The following CASTOR2 variants were observed in gnomAD, a reference collection of about 807,000 sequenced individuals.
CASTOR2 encodes the protein GATS protein like 2.
In CASTOR2, 8 loss-of-function variants were observed where a neutral mutation model predicts 31.2. That is an observed-to-expected ratio of 0.26 (90% CI 0.15 to 0.46). CASTOR2 has a LOEUF of 0.46. CASTOR2 is among the 20% of genes least tolerant of loss of function. The pLI is 0.99. For missense variants in CASTOR2, 216 were observed against 382.1 expected, an observed-to-expected ratio of 0.57 and a Z score of 3.62; for synonymous variants, 162 against 158.7, an observed-to-expected ratio of 1.02 and a Z score of -0.16.
rs1363851687 is a variant in CASTOR2 at position 75,003,217 on chromosome 7, C to A, written c.114-4777C>A. On this transcript the variant is annotated intron_variant, in intron 1 of 8. Coordinates refer to ENST00000616305, the MANE Select transcript of CASTOR2 (RefSeq NM_001145064.3). ...ATCCGAGCACTTTGGGAGGCCAAGG[C>A]AGAAGGATCACTTGAGCTCAGGAGT... Among the ~76,000 whole-genome samples, 47 of 152,222 alleles carry A rather than the reference C, an allele frequency of 3.1e-4. No individual in the cohort carries two copies. The South Asian group carries it at 6.6e-3, about 21-fold the overall frequency.
intron 1 of CASTOR2, among the ~76,000 whole-genome samples, chr7:75,003,602 T>C (rs1296901399): frequency 6.6e-6 from 1 of 150,868 alleles, no homozygotes; most frequent in Non-Finnish European, 1.5e-5. Context: ...TACAAAAAAT[T>C]AGTTGGGCGT....
At chr7:74,981,501 C>T (rs1803944959) in intron 1 of CASTOR2, among the ~76,000 whole-genome samples, 1 of 146,410 alleles carries the variant, frequency 6.8e-6, no homozygotes, top group Non-Finnish European at 1.5e-5. Context: ...TATTCTAGCT[C>T]CCCGACTCCT....
intron 2 of CASTOR2, among the ~76,000 whole-genome samples, chr7:75,008,959 T>C (rs1316677164): frequency 2.0e-5 from 3 of 152,038 alleles, no homozygotes; most frequent in African/African-American, 4.8e-5. Context: ...AGAACCTGTT[T>C]TTTGTTTTTT....
In CASTOR2 at chr7:75,008,035, C is replaced by A. The variant is rs1804643564; in HGVS notation, c.155C>A (p.Thr52Asn). 1 of 1,613,812 alleles carries A rather than the reference C, an allele frequency of 6.2e-7. No individual in the cohort carries two copies. The highest frequency in any genetic ancestry group is 8.5e-7 in the Non-Finnish European group (1 of 1,179,864). Reference protein sequence around the residue: ...FSLTETPEDYTIIVDEEGFLE... With the variant: ...FSLTETPEDYNIIVDEEGFLE... ...CTGACTGAGACGCCAGAGGATTACA[C>A]TATCATTGTCGATGAGGAAGGATTC... The change falls in exon 2 of 9, where the codon ACT becomes AAT. Residue 52 changes from threonine to asparagine, a missense_variant. By Grantham distance (65) the Thr-to-Asn change is moderately conservative (BLOSUM62 0). This residue lies in a region of CASTOR2 where 114 missense variants were observed against 194.2 expected (regional missense o/e 0.59). Transcript: ENST00000616305.
intron 1 of CASTOR2, among the ~76,000 whole-genome samples, chr7:74,985,585 CAAAAA>C (rs782053038): frequency 1.5e-5 from 1 of 67,548 alleles, no homozygotes; most frequent in East Asian, 4.8e-4. Flanking sequence ...CAGCCTGGCT[CAAAAA>C]AAAAAAAAAA....
intron 1 of CASTOR2, among the ~76,000 whole-genome samples, chr7:74,986,366 C>T (rs1159235956): frequency 1.3e-5 from 2 of 151,852 alleles, no homozygotes; most frequent in Non-Finnish European, 2.9e-5. Flanking sequence ...TGACGGGTGC[C>T]TGTAATCCCA....
chr7:75,027,331 T>C lies in CASTOR2; in HGVS notation c.*2632T>C, dbSNP rs1381153558. 1 of 152,714 alleles carries C rather than the reference T, an allele frequency of 6.5e-6. No individual in the cohort carries two copies. The highest frequency in any genetic ancestry group is 1.5e-5 in the Non-Finnish European group (1 of 68,160). The allele number at this position is 152,714 out of a possible 1,614,324, so 9.5% of individuals were successfully genotyped here. On this transcript the variant is annotated 3_prime_UTR_variant, in exon 9 of 9. Transcript: ENST00000616305. The stretch of plus-strand genomic sequence containing the variant: ...CAGGCAAGATCCCTGGGCGCCCTTA[T>C]TTGGGGGGATGTTGATCCCGAGGGA...
intron 6 of CASTOR2, among the ~76,000 whole-genome samples, 157 bp downstream of exon 6, chr7:75,020,306 G>A (rs1345921733): frequency 5.6e-5 from 8 of 141,900 alleles, no homozygotes; most frequent in Non-Finnish European, 4.6e-5. Context: ...GCAGTGGTGC[G>A]ATCTCGGCTC....
At chr7:74,989,397 C>T (rs1804151318) in intron 1 of CASTOR2, among the ~76,000 whole-genome samples, 1 of 151,576 alleles carries the variant, frequency 6.6e-6, no homozygotes, top group Non-Finnish European at 1.5e-5. Flanking sequence ...GCTGGGACTA[C>T]AGGAGCATGC....
intron 1 of CASTOR2, among the ~76,000 whole-genome samples, chr7:74,989,171 A>G (rs1460514383): frequency 2.6e-5 from 4 of 151,248 alleles, no homozygotes; most frequent in African/African-American, 9.7e-5. Flanking sequence ...TCACCGTGTT[A>G]GCCAGGATGG....
At chr7:75,005,146 C>T (rs1804579371) in intron 1 of CASTOR2, among the ~76,000 whole-genome samples, 1 of 152,138 alleles carries the variant, frequency 6.6e-6, no homozygotes, top group Admixed American at 6.6e-5. Context: ...GGATTACAGG[C>T]GTGAGCCACC....
intron 1 of CASTOR2, among the ~76,000 whole-genome samples, chr7:74,982,254 G>C (rs1243071125): frequency 7.4e-6 from 1 of 135,246 alleles, no homozygotes; most frequent in Non-Finnish European, 1.6e-5. Flanking sequence ...CGACCCTGGG[G>C]TAAGGGGTTG....
At chr7:75,004,607 G>A (rs1288707429) in intron 1 of CASTOR2, among the ~76,000 whole-genome samples, 4 of 151,986 alleles carry the variant, frequency 2.6e-5, no homozygotes, top group African/African-American at 7.2e-5. Context: ...CCACCACGCC[G>A]GGCTAATTTT....
chr7:75,022,886 C>T (rs1805038202), intron 7 of CASTOR2, among the ~76,000 whole-genome samples: 1 of 152,200 alleles, frequency 6.6e-6, no homozygotes, highest in Non-Finnish European at 1.5e-5. Flanking sequence ...CTTATTTCCA[C>T]AGCTCAAAGA....
chr7:74,982,427 C>A (rs1197262444), intron 1 of CASTOR2, among the ~76,000 whole-genome samples: 3 of 151,930 alleles, frequency 2.0e-5, no homozygotes, highest in South Asian at 2.1e-4. Flanking sequence ...GCAGATCTCG[C>A]GGTGAATTTC....
chr7:75,024,399 C>T, intron 7 of CASTOR2, 41 bp from the exon 8 acceptor site: 1 of 1,547,862 alleles, frequency 6.5e-7, no homozygotes, highest in Admixed American at 2.0e-5. Flanking sequence ...GCAAGGGTAG[C>T]CAGGTTACAC....
chr7:75,030,721 T>G lies in CASTOR2; in HGVS notation c.*6022T>G, dbSNP rs1187858207. Among the ~76,000 whole-genome samples the G allele has an allele frequency of 9.2e-5, 14 of 151,988 alleles. No homozygotes were observed. In the East Asian group the frequency reaches 2.7e-3, roughly 29 times the overall value. On this transcript the variant is annotated 3_prime_UTR_variant, in exon 9 of 9. Transcript: ENST00000616305. Reference sequence around the variant, plus strand: ...CAAGGGCCCAGGGTAAAAGCCAACGTGTTATTTTTATCCCTAGCCTCAGAA... The same window carrying G: ...CAAGGGCCCAGGGTAAAAGCCAACGGGTTATTTTTATCCCTAGCCTCAGAA...
intron 1 of CASTOR2, among the ~76,000 whole-genome samples, chr7:74,998,496 G>T (rs1462351141): frequency 6.6e-6 from 1 of 151,900 alleles, no homozygotes; most frequent in Admixed American, 6.6e-5. Flanking sequence ...CCGGCTACTC[G>T]GGGAGCTGAG....
At chr7:74,987,443 C>T (rs1171226778) in intron 1 of CASTOR2, among the ~76,000 whole-genome samples, 10 of 152,130 alleles carry the variant, frequency 6.6e-5, no homozygotes, top group African/African-American at 2.4e-4. Flanking sequence ...CTAAATCCTC[C>T]CATAGAAGAA....
Sources: gnomAD v4.1 joint callset for allele counts (sites outside exome capture counted in the v4.1 genomes callset) on GRCh38, gnomAD v4.1.1 for gene constraint, gnomAD v4.1.1 regional missense constraint, MANE v1.5 for transcripts, NCBI Gene and HGNC (gene_info 2026-07-23, HGNC 2026-07-21) for gene names.